The following CCNF variants were observed in gnomAD, a reference collection of about 807,000 sequenced individuals.
The protein encoded by CCNF is cyclin F.
Under a neutral mutation model 85.4 loss-of-function variants are expected in CCNF, and 30 were observed. The ratio of observed to expected loss-of-function variants is 0.35; its 90% CI spans 0.26 to 0.48. The LOEUF is 0.48. Ranked by LOEUF, CCNF falls within the 20% of genes least tolerant of loss-of-function variation. CCNF has a pLI of 0.99. For synonymous variants in CCNF, 439 were observed against 425.1 expected (o/e 1.03, Z -0.40); for missense variants, 919 against 1,010.4 (o/e 0.91, Z 1.23).
At chr16:2,440,923 G>T (rs1017798195) in intron 8 of CCNF, among the ~76,000 whole-genome samples, 1 of 152,012 alleles carries the variant, frequency 6.6e-6, no homozygotes, top group South Asian at 2.1e-4. Flanking sequence ...ACTCCATCTC[G>T]ACAAAAAATT....
chr16:2,456,269 G>T lies in CCNF; in HGVS notation c.1886-276G>T. On this transcript the variant is annotated intron_variant, in intron 16 of 16. Coordinates refer to ENST00000397066, the MANE Select transcript of CCNF (RefSeq NM_001761.3). The surrounding 1 kb of genome is among the most constrained non-coding windows in gnomAD (Gnocchi z 4.5). ...GGTCCTTGCCAGAAGCCCAGTTAGTGTGAGTCCTGTCAGTTTCCCGGTTGC... is the reference window on the plus strand; with the variant it reads ...GGTCCTTGCCAGAAGCCCAGTTAGTTTGAGTCCTGTCAGTTTCCCGGTTGC... 1 of 409,780 alleles carries T rather than the reference G, an allele frequency of 2.4e-6. No homozygotes were observed. Among genetic ancestry groups the T allele is most frequent in the Non-Finnish European group, 4.4e-6 (1 of 228,554 alleles). 25.4% of individuals were successfully genotyped at this position (409,780 alleles called of 1,614,324 possible).
At chr16:2,450,670 T>C (rs748912237) in intron 13 of CCNF, among the ~76,000 whole-genome samples, 1 of 152,188 alleles carries the variant, frequency 6.6e-6, no homozygotes, top group Non-Finnish European at 1.5e-5. Context: ...TGTCAAGTTG[T>C]CATCTAGCTC....
chr16:2,437,483 C>T lies in CCNF; in HGVS notation c.540+161C>T, dbSNP rs28758190. ...AGATATGGGGAACGCATCTGGAAATCAGCTGGCACAGAGGAGGAAGCCTGA... is the reference window on the plus strand; with the variant it reads ...AGATATGGGGAACGCATCTGGAAATTAGCTGGCACAGAGGAGGAAGCCTGA... On this transcript the variant is annotated intron_variant, in intron 5 of 16. Transcript: ENST00000397066. The T allele has an allele frequency of 0.71, 410,959 of 575,334 alleles. 149,168 individuals are homozygous for T. The highest frequency in any genetic ancestry group is 0.92 in the African/African-American group (49,091 of 53,232). 35.6% of individuals were successfully genotyped at this position (575,334 alleles called of 1,614,324 possible).
Position 2,437,116 on chromosome 16 carries a change from T to C in CCNF, c.347-13T>C, listed in dbSNP as rs2065295068. The C allele has an allele frequency of 2.6e-6, 4 of 1,564,578 alleles. No homozygotes were observed. Among genetic ancestry groups the C allele is most frequent in the African/African-American group, 1.4e-5 (1 of 73,984 alleles). Reference sequence around the variant, plus strand: ...AGAGACATCCCTGGGCTCTGTCCTGTCTGTCCCCGCAGTGTCTGTGTCTGA... The same window carrying C: ...AGAGACATCCCTGGGCTCTGTCCTGCCTGTCCCCGCAGTGTCTGTGTCTGA... On this transcript the variant is annotated splice_polypyrimidine_tract_variant and intron_variant, in intron 4 of 16. Transcript: ENST00000397066.
intron 10 of CCNF, 133 bp downstream of exon 10, chr16:2,445,755 T>C: frequency 1.2e-6 from 1 of 808,144 alleles, no homozygotes. Context: ...CGAGACCAAG[T>C]CTCGCTCTGT....
Position 2,439,462 on chromosome 16 carries a change from G to T in CCNF, c.699+5G>T. 1 of 1,595,816 alleles carries T rather than the reference G, an allele frequency of 6.3e-7. No individual in the cohort carries two copies. The highest frequency in any genetic ancestry group is 8.6e-7 in the Non-Finnish European group (1 of 1,166,322). On this transcript the variant is annotated splice_donor_5th_base_variant and intron_variant, in intron 7 of 16. Coordinates refer to ENST00000397066, the MANE Select transcript of CCNF (RefSeq NM_001761.3). Reference sequence around the variant, plus strand: ...GAAAGCGACAGGAGGACAGATGTGAGTGGTGCCTGCTCTGGGTCGGGGGGA... The same window carrying T: ...GAAAGCGACAGGAGGACAGATGTGATTGGTGCCTGCTCTGGGTCGGGGGGA...
Position 2,452,852 on chromosome 16 carries a change from C to A in CCNF, c.1488-358C>A. 2 of 293,122 alleles carry A rather than the reference C, an allele frequency of 6.8e-6. No individual in the cohort carries two copies. Among genetic ancestry groups the A allele is most frequent in the Non-Finnish European group, 1.3e-5 (2 of 152,862 alleles). 18.2% of individuals were successfully genotyped at this position (293,122 alleles called of 1,614,324 possible). A position where few individuals can be genotyped will look rare whatever the true frequency, so the allele number is the denominator to read the frequency against. On this transcript the variant is annotated intron_variant, in intron 13 of 16. Transcript: ENST00000397066. The surrounding 1 kb of genome is among the most constrained non-coding windows in gnomAD (Gnocchi z 4.1). ...CGCGGTAACGTTTGCTGGGTTTGTC[C>A]ATGTGGTGTGTGTCCCTGCTTTGTT...
At chr16:2,445,334 G>C in intron 9 of CCNF, 124 bp from the exon 10 acceptor site, 1 of 1,159,436 alleles carries the variant, frequency 8.6e-7, no homozygotes, top group African/African-American at 1.5e-5. Flanking sequence ...TTGGTTCCAG[G>C]GTAAACCCAT....
At chr16:2,441,927 T>C (rs1242527477) in intron 8 of CCNF, among the ~76,000 whole-genome samples, 1 of 124,862 alleles carries the variant, frequency 8.0e-6, no homozygotes, top group Non-Finnish European at 1.6e-5. Context: ...GGGCTCATGA[T>C]ATTAGCAAAT....
chr16:2,449,759 GCCCCTCCGT>G (rs1388005848), intron 12 of CCNF, 60 bp from the exon 13 acceptor site: 14 of 835,152 alleles, frequency 1.7e-5, no homozygotes, highest in Non-Finnish European at 2.7e-5. Flanking sequence ...TGTCACCACA[GCCCCTCCGT>G]CCCCTCCATC....
At chr16:2,449,033 T>TG in intron 11 of CCNF, 55 bp downstream of exon 11, 1 of 785,356 alleles carries the variant, frequency 1.3e-6, no homozygotes, top group Non-Finnish European at 2.2e-6. Flanking sequence ...TGCTGGAGGG[T>TG]GGGGGTGGGC....
Position 2,437,380 on chromosome 16 carries a change from G to A in CCNF, c.540+58G>A, listed in dbSNP as rs544872930. The A allele has an allele frequency of 2.1e-5, 29 of 1,355,374 alleles. No individual in the cohort carries two copies. The African/African-American group carries it at 3.2e-4, about 15-fold the overall frequency. The allele number at this position is 1,355,374 out of a possible 1,614,324, so 84.0% of individuals were successfully genotyped here. A position where few individuals can be genotyped will look rare whatever the true frequency, so the allele number is the denominator to read the frequency against. The stretch of plus-strand genomic sequence containing the variant: ...CCACCTGCAGGGTCCCAGGACACAG[G>A]AAGACCCCGAGGGTAGATCCTGGAC... On this transcript the variant is annotated intron_variant, in intron 5 of 16. Transcript: ENST00000397066.
intron 8 of CCNF, among the ~76,000 whole-genome samples, chr16:2,441,077 C>G (rs776348562): frequency 5.3e-5 from 8 of 151,532 alleles, no homozygotes; most frequent in Non-Finnish European, 8.8e-5. Context: ...ACTAAAAATA[C>G]AAAAAAATTA....
chr16:2,453,611 CCTCA>C lies in CCNF; in HGVS notation c.1715+76_1715+79del. ...TGCCGGCCCAGTTCCCTCAGCGCTTCCTCACACAGAGAGGCCCCCAAGGCTTGTC... is the reference window on the plus strand; with the variant it reads ...TGCCGGCCCAGTTCCCTCAGCGCTTCCACAGAGAGGCCCCCAAGGCTTGTC... On this transcript the variant is annotated intron_variant, in intron 15 of 16. Coordinates refer to ENST00000397066, the MANE Select transcript of CCNF (RefSeq NM_001761.3). The surrounding 1 kb of genome is among the most constrained non-coding windows in gnomAD (Gnocchi z 5.6). The C allele has an allele frequency of 6.3e-7, 1 of 1,585,444 alleles. No individual in the cohort carries two copies. Among genetic ancestry groups the C allele is most frequent in the Non-Finnish European group, 8.6e-7 (1 of 1,161,532 alleles).
At chr16:2,442,975 A>T (rs28700212) in intron 8 of CCNF, among the ~76,000 whole-genome samples, 19 of 100,138 alleles carry the variant, frequency 1.9e-4, no homozygotes, top group East Asian at 9.7e-4. Context: ...ATATTTATAT[A>T]TTATATATTA....
rs199894140 is a variant in CCNF, at chr16:2,455,434, C to T, written c.1755C>T (p.Phe585=). Reference sequence around the variant, plus strand: ...GCCTCCAGGAAGACAGAGGCAGCTTCGTTACCACCCCCACTGCGGAGCTGT... The same window carrying T: ...GCCTCCAGGAAGACAGAGGCAGCTTTGTTACCACCCCCACTGCGGAGCTGT... ...ENSLQEDRGS[F]VTTPTAELSS... Residue 585 remains phenylalanine (F), a synonymous_variant, in exon 16 of 17, where the codon TTC becomes TTT. Transcript: ENST00000397066. 11 of 1,592,248 alleles carry T rather than the reference C, an allele frequency of 6.9e-6. No homozygotes were observed. In the East Asian group the frequency reaches 1.1e-4, roughly 16 times the overall value.
chr16:2,449,080 CAGAG>C (rs762393594), intron 11 of CCNF, 102 bp downstream of exon 11: 1 of 1,528,180 alleles, frequency 6.5e-7, no homozygotes, highest in East Asian at 2.3e-5. Context: ...CTCATGGACT[CAGAG>C]AGCAGCTGTC....
rs901813874 is a variant in CCNF, at chr16:2,452,349, T to G, written c.1488-861T>G. ...TGCTGCTGCTCATGCTGCTTTCTCC[T>G]GCAGTGCCCGGACCCTGTGCCTTCT... On this transcript the variant is annotated intron_variant, in intron 13 of 16. Transcript: ENST00000397066. This position sits in a 1 kb window ranked among gnomAD's most constrained non-coding sequence, Gnocchi z 4.1. Among the ~76,000 whole-genome samples the G allele has an allele frequency of 3.9e-5, 6 of 152,164 alleles. No individual in the cohort carries two copies. Among genetic ancestry groups the G allele is most frequent in the Middle Eastern group, 3.2e-3 (1 of 316 alleles).
chr16:2,443,771 C>G lies in CCNF; in HGVS notation c.900C>G (p.Ser300=). 6.2e-7 allele frequency: 1 copy of G among 1,614,128 alleles called. No homozygotes were observed. The highest frequency in any genetic ancestry group is 8.5e-7 in the Non-Finnish European group (1 of 1,180,016). Residue 300 remains serine (S), a synonymous_variant, in exon 9 of 17, where the codon TCC becomes TCG. Transcript: ENST00000397066. ...CTGTCAGTAAACAACAAGTCTTCTC[C>G]GTGCAGAAGGGACTCAATGACACAA... The part of the protein sequence containing the change: ...SQAVSKQQVF[S]VQKGLNDTMR...
Sources: allele counts gnomAD v4.1 joint callset (sites outside exome capture counted in the v4.1 genomes callset), GRCh38; gene constraint gnomAD v4.1.1; non-coding constraint Gnocchi (gnomAD v3.1); transcripts MANE v1.5; gene names NCBI Gene and HGNC (gene_info 2026-07-23, HGNC 2026-07-21).